The following ADAMTSL1 variants were observed in gnomAD, a reference collection of about 807,000 sequenced individuals.
ADAMTSL1 encodes ADAMTS like 1.
ADAMTSL1 carries 126 observed loss-of-function variants against 201.8 expected under a neutral mutation model. The observed-to-expected ratio is 0.62, with a 90% confidence interval of 0.54 to 0.72. The LOEUF (loss-of-function observed/expected upper bound fraction) is 0.72. Among genes scored for constraint, ADAMTSL1 ranks in the 30% least tolerant of loss-of-function variants. ADAMTSL1 has a pLI of 0.00. For missense variants in ADAMTSL1, 2,679 were observed against 2,277.8 expected (o/e 1.18, Z -3.59); for synonymous variants, 1,121 against 903.4 (o/e 1.24, Z -4.32).
intron 1 of ADAMTSL1, among the ~76,000 whole-genome samples, chr9:18,098,639 C>T (rs149317419): frequency 6.6e-6 from 1 of 152,220 alleles, no homozygotes; most frequent in Non-Finnish European, 1.5e-5. Flanking sequence ...GTGTTATCTG[C>T]AAACCATGAC....
chr9:18,628,111 G>A (rs181625562), intron 5 of ADAMTSL1, among the ~76,000 whole-genome samples: 56 of 152,178 alleles, frequency 3.7e-4, no homozygotes, highest in Admixed American at 6.5e-5. Context: ...TGAAGACCAC[G>A]CTATCATTTT....
intron 14 of ADAMTSL1, among the ~76,000 whole-genome samples, chr9:18,709,565 G>A (rs763245081): frequency 7.2e-5 from 11 of 152,172 alleles, no homozygotes; most frequent in Non-Finnish European, 1.5e-4. Flanking sequence ...TGGTGGCTGT[G>A]TTTCCCTGAG....
chr9:18,186,473 A>G (rs1258825614), intron 2 of ADAMTSL1, among the ~76,000 whole-genome samples: 1 of 152,086 alleles, frequency 6.6e-6, no homozygotes, highest in Non-Finnish European at 1.5e-5. Flanking sequence ...CCCTACCCAA[A>G]TACATCCTAG....
At chr9:18,498,667 C>T (rs890409555) in intron 1 of ADAMTSL1, among the ~76,000 whole-genome samples, 4 of 152,120 alleles carry the variant, frequency 2.6e-5, no homozygotes, top group Admixed American at 6.6e-5. Context: ...TCTGGCTTAA[C>T]GAGATCTGAC....
At chr9:17,999,939 A>C (rs977764322) in intron 1 of ADAMTSL1, among the ~76,000 whole-genome samples, 1 of 148,074 alleles carries the variant, frequency 6.8e-6, no homozygotes, top group Non-Finnish European at 1.5e-5. Flanking sequence ...TGAACTCATC[A>C]TTTTTTATGG....
At chr9:18,443,359 T>C (rs564958523) in intron 2 of ADAMTSL1, among the ~76,000 whole-genome samples, 1 of 152,358 alleles carries the variant, frequency 6.6e-6, no homozygotes, top group African/African-American at 2.4e-5. Flanking sequence ...CTTTTTGTCT[T>C]TCTCCTTCAG....
chr9:18,278,378 G>C (rs1318062995), intron 2 of ADAMTSL1, among the ~76,000 whole-genome samples: 1 of 152,154 alleles, frequency 6.6e-6, no homozygotes. Flanking sequence ...GTCTAGGAAA[G>C]TCTTCATCTC....
chr9:18,264,092 TC>T (rs1204508268), intron 2 of ADAMTSL1, among the ~76,000 whole-genome samples: 1 of 152,196 alleles, frequency 6.6e-6, no homozygotes, highest in Non-Finnish European at 1.5e-5. Flanking sequence ...TGTCCTCCTG[TC>T]TGCTGTGTCT....
At chr9:18,684,569 A>G in intron 12 of ADAMTSL1, 147 bp from the exon 13 acceptor site, 1 of 779,904 alleles carries the variant, frequency 1.3e-6, no homozygotes. Flanking sequence ...TTCTAGATAT[A>G]ACCATCATCA....
intron 2 of ADAMTSL1, among the ~76,000 whole-genome samples, chr9:18,250,908 G>A (rs1001860017): frequency 2.0e-5 from 3 of 152,184 alleles, no homozygotes; most frequent in East Asian, 1.9e-4. Context: ...CTAAAGAAAC[G>A]CAAAACTCTG....
intron 7 of ADAMTSL1, among the ~76,000 whole-genome samples, chr9:18,655,806 TAA>T (rs56662538): frequency 8.4e-4 from 69 of 81,836 alleles, no homozygotes; most frequent in African/African-American, 3.4e-3. Flanking sequence ...TTTGTGAGCT[TAA>T]AAAAAAAAAA....
At chr9:18,743,181 C>A (rs533031499) in intron 15 of ADAMTSL1, among the ~76,000 whole-genome samples, 1 of 152,108 alleles carries the variant, frequency 6.6e-6, no homozygotes, top group South Asian at 2.1e-4. Flanking sequence ...AAATCAAGCT[C>A]TGTGTAGGTG....
intron 2 of ADAMTSL1, among the ~76,000 whole-genome samples, chr9:18,346,862 C>A (rs1041553159): frequency 6.6e-6 from 1 of 152,152 alleles, no homozygotes. Flanking sequence ...CTCACATGGG[C>A]AGATCCCAAA....
intron 9 of ADAMTSL1, among the ~76,000 whole-genome samples, chr9:18,669,503 G>C (rs949101185): frequency 6.6e-6 from 1 of 152,120 alleles, no homozygotes; most frequent in African/African-American, 2.4e-5. Flanking sequence ...TCTGATTTCG[G>C]TGGAAGCCCA....
At chr9:18,375,424 A>C (rs1281416551) in intron 2 of ADAMTSL1, among the ~76,000 whole-genome samples, 1 of 152,220 alleles carries the variant, frequency 6.6e-6, no homozygotes, top group Admixed American at 6.5e-5. Context: ...TGCCTTAGGT[A>C]GACAAAATAT....
chr9:18,452,638 G>A (rs1479324968), intron 2 of ADAMTSL1, among the ~76,000 whole-genome samples: 7 of 152,182 alleles, frequency 4.6e-5, no homozygotes, highest in Non-Finnish European at 7.3e-5. Flanking sequence ...TGGTGGACAG[G>A]CATAAGATAG....
At chr9:18,295,242 T>C (rs1471697442) in intron 2 of ADAMTSL1, among the ~76,000 whole-genome samples, 1 of 151,008 alleles carries the variant, frequency 6.6e-6, no homozygotes, top group African/African-American at 2.4e-5. Context: ...TACCGAGAGG[T>C]CACAGTGTAC....
intron 1 of ADAMTSL1, among the ~76,000 whole-genome samples, chr9:18,157,902 C>G (rs1200869489): frequency 6.6e-6 from 1 of 151,980 alleles, no homozygotes; most frequent in Non-Finnish European, 1.5e-5. Flanking sequence ...CTTCAAGCAT[C>G]TTTTTCTTCC....
intron 20 of ADAMTSL1, among the ~76,000 whole-genome samples, chr9:18,798,270 C>T (rs574456748): frequency 3.3e-5 from 5 of 152,138 alleles, no homozygotes; most frequent in African/African-American, 1.2e-4. Context: ...GGCTCTGGAG[C>T]CTTAGGGTCT....
Sources: gnomAD v4.1 joint callset for allele counts (sites outside exome capture counted in the v4.1 genomes callset) on GRCh38, gnomAD v4.1.1 for gene constraint, MANE v1.5 for transcripts, NCBI Gene and HGNC (gene_info 2026-07-23, HGNC 2026-07-21) for gene names.